The following MIER2 variants were observed in gnomAD, a reference collection of about 807,000 sequenced individuals.
MIER2 encodes the protein MIER family member 2.
A neutral mutation model predicts 67.6 loss-of-function variants in MIER2; 30 were observed. The observed-to-expected ratio is 0.44, with a 90% CI of 0.33 to 0.60. MIER2 has a LOEUF of 0.60. Among genes scored for constraint, MIER2 ranks in the 20% least tolerant of loss-of-function variants. The pLI is 0.02. For synonymous variants in MIER2, 372 were observed against 312.6 expected (o/e 1.19, Z -2.00); for missense variants, 702 against 745.1 (o/e 0.94, Z 0.67).
chr19:313,424 G>A (rs1389220635), intron 8 of MIER2, 68 bp downstream of exon 8: 7 of 1,569,920 alleles, frequency 4.5e-6, no homozygotes, highest in Non-Finnish European at 6.0e-6. Flanking sequence ...TGGAGGCACT[G>A]GGGTGTGAGC....
At chr19:320,472 A>G (rs1971456076) in intron 7 of MIER2, among the ~76,000 whole-genome samples, 1 of 152,164 alleles carries the variant, frequency 6.6e-6, no homozygotes, top group Admixed American at 6.5e-5. Flanking sequence ...AATAAATAAA[A>G]TTTAAATTTT....
At chr19:341,779 G>A (rs564678521) in intron 1 of MIER2, among the ~76,000 whole-genome samples, 50 of 152,294 alleles carry the variant, frequency 3.3e-4, no homozygotes, top group African/African-American at 1.1e-3. Context: ...CAAAGGAAGC[G>A]TAAACAGCAT....
At chr19:337,060 T>C (rs1238438756) in intron 1 of MIER2, among the ~76,000 whole-genome samples, 1 of 152,074 alleles carries the variant, frequency 6.6e-6, no homozygotes, top group African/African-American at 2.4e-5. Context: ...CCCAGGCTGG[T>C]CTCAAACTCT....
Position 308,428 on chromosome 19 carries a change from C to T in MIER2, c.1198+149G>A, listed in dbSNP as rs527970426. 7 of 750,806 alleles carry T rather than the reference C, an allele frequency of 9.3e-6. No homozygotes were observed. The highest frequency in any genetic ancestry group is 2.7e-5 in the East Asian group (1 of 36,876). 46.5% of individuals were successfully genotyped at this position (750,806 alleles called of 1,614,324 possible). ...GGTGTACAGAGCGGCATCCACATCA[C>T]GTGGCTGCCCTCCGCCACCCAGACG... is the stretch of plus-strand genomic sequence containing the variant. On this transcript the variant is annotated intron_variant, in intron 12 of 13. Transcript: ENST00000264819. This position sits in a 1 kb window ranked among gnomAD's most constrained non-coding sequence, Gnocchi z 9.1.
intron 10 of MIER2, among the ~76,000 whole-genome samples, chr19:310,528 A>G (rs1970909247): frequency 1.4e-5 from 1 of 69,842 alleles, no homozygotes; most frequent in Non-Finnish European, 2.6e-5. Context: ...CCTGAGCTAT[A>G]GAAACACGGC....
chr19:332,676 C>T (rs907798961), intron 3 of MIER2, among the ~76,000 whole-genome samples: 2 of 118,412 alleles, frequency 1.7e-5, no homozygotes, highest in African/African-American at 3.4e-5. Flanking sequence ...CCTCATGATC[C>T]GCCTACCTCG....
chr19:333,905 G>A (rs1444801622), intron 3 of MIER2, among the ~76,000 whole-genome samples: 1 of 152,050 alleles, frequency 6.6e-6, no homozygotes, highest in African/African-American at 2.4e-5. Flanking sequence ...TGTTAGCCAG[G>A]ACGGTCTCGA....
In MIER2 at chr19:306,397, G is replaced by T. The variant is rs1022349459; in HGVS notation, c.*293C>A. ...CTCTGCCCTGCGTCCCAACGGCGGG[G>T]TCTCTTCTGTCCCCGGCTGCCCGAC... On this transcript the variant is annotated 3_prime_UTR_variant, in exon 14 of 14. Transcript: ENST00000264819. 1.8e-6 allele frequency: 1 copy of T among 561,344 alleles called. No homozygotes were observed. Among genetic ancestry groups the T allele is most frequent in the Non-Finnish European group, 3.2e-6 (1 of 314,108 alleles). 34.8% of individuals were successfully genotyped at this position (561,344 alleles called of 1,614,324 possible).
intron 7 of MIER2, among the ~76,000 whole-genome samples, chr19:318,811 C>T (rs916413289): frequency 6.6e-6 from 1 of 152,104 alleles, no homozygotes; most frequent in Non-Finnish European, 1.5e-5. Context: ...AATCCCAACA[C>T]TTTGGGAGGC....
chr19:328,109 A>C, intron 3 of MIER2, 120 bp from the exon 4 acceptor site: 3 of 1,364,546 alleles, frequency 2.2e-6, no homozygotes, highest in East Asian at 2.7e-5. Flanking sequence ...ACCCATAGCA[A>C]CTCCCCACAT....
At chr19:312,038 C>T (rs1428305212) in intron 9 of MIER2, 99 bp from the exon 10 acceptor site, 12 of 1,185,150 alleles carry the variant, frequency 1.0e-5, no homozygotes, top group East Asian at 6.2e-5. Context: ...GCGCCCAGGG[C>T]GGGGCCGCAG....
intron 3 of MIER2, among the ~76,000 whole-genome samples, chr19:329,979 A>C (rs1971945419): frequency 6.6e-6 from 1 of 151,952 alleles, no homozygotes; most frequent in African/African-American, 2.4e-5. Context: ...TGCAGAATGC[A>C]CCTGCTGCAT....
chr19:318,076 C>A (rs565477797), intron 7 of MIER2, among the ~76,000 whole-genome samples: 1 of 150,962 alleles, frequency 6.6e-6, no homozygotes, highest in Non-Finnish European at 1.5e-5. Context: ...TGGTGGCGGA[C>A]GCCTGTAATT....
intron 2 of MIER2, 49 bp downstream of exon 2, chr19:336,034 C>T (rs1471138302): frequency 1.9e-6 from 3 of 1,568,246 alleles, no homozygotes; most frequent in Non-Finnish European, 2.6e-6. Context: ...TCTCTCACAG[C>T]CACAAAGGCC....
rs184682331 is a variant in MIER2 at position 331,922 on chromosome 19, A to G, written c.243+2478T>C. ...CTTGAGCCCAGGAGGCGGAGGATGC[A>G]GTGAGCCAAGATCACACCACTGCAC... On this transcript the variant is annotated intron_variant, in intron 3 of 13. Transcript: ENST00000264819. 3.0e-4 allele frequency among the ~76,000 whole-genome samples: 45 copies of G among 152,240 alleles called. No homozygotes were observed. The East Asian group carries it at 7.6e-3, about 26-fold the overall frequency.
At position 336,136 on chromosome 19, in the gene MIER2, G is replaced by C. The variant is rs536401089; in HGVS notation, c.47C>G (p.Ser16Cys). 18 of 1,613,826 alleles carry C rather than the reference G, an allele frequency of 1.1e-5. No individual in the cohort carries two copies. In the African/African-American group the frequency reaches 2.3e-4, roughly 20 times the overall value. The part of the protein sequence containing the change: ...SLGRQSPRVV[S>C]CLEHSLCPGE... The stretch of plus-strand genomic sequence containing the variant: ...TGGGCACAGGCTGTGCTCGAGGCAG[G>C]AGACCACGCGAGGACTCTGCCTCCC... Residue 16 changes from serine (S) to cysteine (C), a missense_variant, in exon 2 of 14, where the codon TCC (serine) becomes TGC (cysteine). Ser to Cys is a moderately radical substitution (Grantham distance 112). Around this residue, in one of 3 missense-constraint regions of MIER2, gnomAD observed 320 missense variants for 292.6 expected, o/e 1.09. Coordinates refer to ENST00000264819, the MANE Select transcript of MIER2 (RefSeq NM_017550.3).
chr19:333,838 G>A (rs1175985155), intron 3 of MIER2, among the ~76,000 whole-genome samples: 4 of 151,312 alleles, frequency 2.6e-5, no homozygotes, highest in Middle Eastern at 6.8e-3. Flanking sequence ...ACAGTCACCC[G>A]CCACTATGCC....
chr19:342,339 C>G (rs1568241168), intron 1 of MIER2, among the ~76,000 whole-genome samples: 3 of 152,132 alleles, frequency 2.0e-5, no homozygotes, highest in South Asian at 2.1e-4. Context: ...GAAGAGAAAA[C>G]AGGGCGCACG....
chr19:315,793 A>C (rs1971211710), intron 7 of MIER2, among the ~76,000 whole-genome samples: 1 of 152,268 alleles, frequency 6.6e-6, no homozygotes, highest in Non-Finnish European at 1.5e-5. Context: ...AAGAGGTAAC[A>C]GCCAAGAATT....
Sources: gnomAD v4.1 joint callset for allele counts (sites outside exome capture counted in the v4.1 genomes callset) on GRCh38, gnomAD v4.1.1 for gene constraint, gnomAD v4.1.1 regional missense constraint, Gnocchi (gnomAD v3.1) non-coding constraint, MANE v1.5 for transcripts, NCBI Gene and HGNC (gene_info 2026-07-23, HGNC 2026-07-21) for gene names.